The following PALS2 variants were observed in gnomAD, a reference collection of about 807,000 sequenced individuals.
PALS2 encodes protein PALS2.
In PALS2, 27 loss-of-function variants were observed where a neutral mutation model predicts 61.6. That is an observed-to-expected ratio of 0.44 (90% confidence interval 0.32 to 0.60). The LOEUF (loss-of-function observed/expected upper bound fraction) is 0.60, where lower values mean the gene tolerates loss of function less well. Among genes scored for constraint, PALS2 ranks in the 20% least tolerant of loss-of-function variants. The probability of loss-of-function intolerance (pLI) is 0.05; values close to 1 mark genes in which losing one functional copy is unlikely to be tolerated. For synonymous variants in PALS2, 236 were observed against 218.6 expected, an observed-to-expected ratio of 1.08 and a Z score of -0.70; for missense variants, 554 against 639.4, an observed-to-expected ratio of 0.87 and a Z score of 1.44.
At chr7:24,603,060 A>T (rs1317983261) in intron 1 of PALS2, among the ~76,000 whole-genome samples, 1 of 152,192 alleles carries the variant, frequency 6.6e-6, no homozygotes, top group Admixed American at 6.6e-5. Context: ...GTCTTGGGTC[A>T]TACCAGCATG....
At chr7:24,648,327 T>C (rs1438033435) in intron 3 of PALS2, among the ~76,000 whole-genome samples, 3 of 149,532 alleles carry the variant, frequency 2.0e-5, no homozygotes, top group Non-Finnish European at 1.5e-5. Flanking sequence ...AGTTTCACTC[T>C]TGTTGCCCAG....
intron 2 of PALS2, among the ~76,000 whole-genome samples, chr7:24,624,380 A>G (rs1784647810): frequency 6.6e-6 from 1 of 152,012 alleles, no homozygotes; most frequent in African/African-American, 2.4e-5. Context: ...AGTTCCCCCA[A>G]ATGACTCTTG....
At chr7:24,621,006 T>C (rs567033355) in intron 1 of PALS2, among the ~76,000 whole-genome samples, 16 of 152,250 alleles carry the variant, frequency 1.1e-4, no homozygotes, top group African/African-American at 3.6e-4. Context: ...GAAAAATAAA[T>C]AATGGGAAGT....
intron 9 of PALS2, among the ~76,000 whole-genome samples, chr7:24,677,692 A>G (rs1272529645): frequency 1.3e-5 from 2 of 152,288 alleles, no homozygotes; most frequent in African/African-American, 2.4e-5. Context: ...AAGTTTTATT[A>G]TACACACCTT....
At chr7:24,627,399 A>C (rs951189085) in intron 2 of PALS2, among the ~76,000 whole-genome samples, 1 of 152,264 alleles carries the variant, frequency 6.6e-6, no homozygotes, top group African/African-American at 2.4e-5. Context: ...AAATGCCCAC[A>C]GGAGAAAGCA....
Position 24,618,920 on chromosome 7 carries a change from C to T in PALS2, c.-2-4746C>T, listed in dbSNP as rs559142901. Among the ~76,000 whole-genome samples the T allele has an allele frequency of 1.4e-3, 210 of 152,354 alleles. No homozygotes were observed. Among genetic ancestry groups the T allele is most frequent in the African/African-American group, 4.1e-3 (170 of 41,590 alleles). ...GAAGCGGAGGAATGTGCACCAGACA[C>T]TTACCGTCAGCCATCTTACTGACAT... On this transcript the variant is annotated intron_variant, in intron 1 of 11. Transcript: ENST00000222644. The surrounding 1 kb of genome is among the most constrained non-coding windows in gnomAD (Gnocchi z 5.1).
chr7:24,583,231 A>G (rs906897990), intron 1 of PALS2, among the ~76,000 whole-genome samples: 1 of 151,888 alleles, frequency 6.6e-6, no homozygotes, highest in Non-Finnish European at 1.5e-5. Context: ...AATGTTTTTT[A>G]TTTTTTAGCT....
chr7:24,575,792 ATAAAAT>A (rs1170806858), intron 1 of PALS2, among the ~76,000 whole-genome samples: 2 of 152,350 alleles, frequency 1.3e-5, no homozygotes, highest in East Asian at 1.9e-4. Context: ...CAGCCAGAAA[ATAAAAT>A]TAAAAGAGGT....
chr7:24,607,579 GTATATATACATATA>G lies in PALS2; in HGVS notation c.-2-16085_-2-16072del, dbSNP rs1783955817. Reference sequence around the variant, plus strand: ...TATGTGTATATATACATATATGTGTGTATATATACATATATGTGTGTGTATATATACATATATAT... The same window carrying G: ...TATGTGTATATATACATATATGTGTGTGTGTGTGTATATATACATATATAT... On this transcript the variant is annotated intron_variant, in intron 1 of 11. Coordinates refer to ENST00000222644, the MANE Select transcript of PALS2 (RefSeq NM_001303037.2). 4.1e-5 allele frequency among the ~76,000 whole-genome samples: 5 copies of G among 120,540 alleles called. No homozygotes were observed. In the East Asian group the frequency reaches 1.5e-3, roughly 36 times the overall value. The allele number at this position is 120,540 out of a possible 152,430, so 79.1% of individuals were successfully genotyped here.
At chr7:24,595,178 G>A (rs78828264) in intron 1 of PALS2, among the ~76,000 whole-genome samples, 2,978 of 151,670 alleles carry the variant, frequency 0.02, 110 homozygotes, top group African/African-American at 0.069. Context: ...AAAGTTCTTC[G>A]TGACAGATTA....
chr7:24,599,525 T>TTTTTTTTTTTTG lies in PALS2; in HGVS notation c.-2-24141_-2-24140insTTTTTTTTTTTG, dbSNP rs4000763. Among the ~76,000 whole-genome samples the TTTTTTTTTTTTG allele has an allele frequency of 2.8e-4, 40 of 143,704 alleles. 1 individual carries two copies. The highest frequency in any genetic ancestry group is 4.4e-4 in the Non-Finnish European group (29 of 65,642). 94.3% of individuals were successfully genotyped at this position (143,704 alleles called of 152,430 possible). ...ATAAGCTTTTTTTTTTTTTTTTTTT[T>TTTTTTTTTTTTG]ATGGAGTCTTGCCCTGTCACCCAGG... On this transcript the variant is annotated intron_variant, in intron 1 of 11. Transcript: ENST00000222644.
intron 2 of PALS2, among the ~76,000 whole-genome samples, chr7:24,638,750 G>T (rs1785370485): frequency 6.6e-6 from 1 of 152,086 alleles, no homozygotes; most frequent in African/African-American, 2.4e-5. Context: ...CTTCTCACAT[G>T]ACTCTCCCCT....
intron 2 of PALS2, among the ~76,000 whole-genome samples, chr7:24,637,417 CTTTTTTA>C (rs1436601719): frequency 6.9e-6 from 1 of 145,788 alleles, no homozygotes; most frequent in African/African-American, 2.5e-5. Context: ...CTCAAAAATT[CTTTTTTA>C]TTTTTGAGTA....
chr7:24,595,246 G>T (rs777113944), intron 1 of PALS2, among the ~76,000 whole-genome samples: 8 of 151,144 alleles, frequency 5.3e-5, no homozygotes, highest in Non-Finnish European at 7.4e-5. Context: ...AGGCAATACG[G>T]GAGGAAGACC....
chr7:24,684,491 A>G (rs529324620), intron 11 of PALS2, among the ~76,000 whole-genome samples: 2 of 152,336 alleles, frequency 1.3e-5, no homozygotes, highest in East Asian at 3.9e-4. Flanking sequence ...CTGATATGAC[A>G]AGATGTTCCA....
At chr7:24,665,505 A>AC in intron 6 of PALS2, 83 bp from the exon 7 acceptor site, 1 of 1,230,512 alleles carries the variant, frequency 8.1e-7, no homozygotes, top group East Asian at 2.3e-5. Context: ...GACTTTTTTG[A>AC]CTGACCACTG....
intron 9 of PALS2, among the ~76,000 whole-genome samples, chr7:24,672,537 AGTCTATGAGCATAGAT>A (rs1250179004): frequency 8.5e-5 from 13 of 152,070 alleles, no homozygotes; most frequent in Admixed American, 8.5e-4. Context: ...TAATTCTTCC[AGTCTATGAGCATAGAT>A]GTCTCTCTGT....
chr7:24,665,507 T>G, intron 6 of PALS2, 81 bp from the exon 7 acceptor site: 1 of 1,250,394 alleles, frequency 8.0e-7, no homozygotes, highest in Non-Finnish European at 1.2e-6. Flanking sequence ...CTTTTTTGAC[T>G]GACCACTGCT....
intron 9 of PALS2, among the ~76,000 whole-genome samples, chr7:24,675,131 A>T (rs1310916939): frequency 1.3e-5 from 2 of 152,192 alleles, no homozygotes; most frequent in Non-Finnish European, 2.9e-5. Context: ...GTTAAAATTC[A>T]CTTGTAAACT....
Sources: gnomAD v4.1 joint callset for allele counts (sites outside exome capture counted in the v4.1 genomes callset) on GRCh38, gnomAD v4.1.1 for gene constraint, Gnocchi (gnomAD v3.1) non-coding constraint, MANE v1.5 for transcripts, NCBI Gene and HGNC (gene_info 2026-07-23, HGNC 2026-07-21) for gene names.